The following SLC13A1 variants were observed in gnomAD, a reference collection of about 807,000 sequenced individuals.
The protein encoded by SLC13A1 is Na(+)/sulfate cotransporter.
SLC13A1 carries 65 observed loss-of-function variants against 70.0 expected under a neutral mutation model. The observed-to-expected ratio is 0.93, with a 90% CI of 0.76 to 1.14. The LOEUF is 1.14. Among genes scored for constraint, SLC13A1 ranks in the 50% most tolerant of loss-of-function variants. SLC13A1 has a pLI of 0.00. For missense variants in SLC13A1, 726 were observed against 717.8 expected (o/e 1.01, Z -0.13); for synonymous variants, 275 against 250.5 (o/e 1.10, Z -0.92).
chr7:123,153,582 G>C (rs1308366292), intron 6 of SLC13A1, among the ~76,000 whole-genome samples: 1 of 152,016 alleles, frequency 6.6e-6, no homozygotes, highest in Non-Finnish European at 1.5e-5. Context: ...AGAGGGCACT[G>C]AGCTGAAAAA....
chr7:123,148,556 G>T, intron 6 of SLC13A1: 1 of 409,800 alleles, frequency 2.4e-6, no homozygotes, highest in Non-Finnish European at 4.8e-6. Context: ...CCCTTTGTTG[G>T]TTTGATTCTT....
chr7:123,188,506 C>G lies in SLC13A1; in HGVS notation c.100-7405G>C, dbSNP rs192442622. Among the ~76,000 whole-genome samples the G allele has an allele frequency of 8.6e-4, 131 of 152,254 alleles. 2 individuals carry two copies. The highest frequency in any genetic ancestry group is 1.6e-3 in the Non-Finnish European group (106 of 68,010). Reference sequence around the variant, plus strand: ...ATGAAAAAATCTTCTTATTTAATTTCCATGTTCTTGAATACCAGTGGAGTA... The same window carrying G: ...ATGAAAAAATCTTCTTATTTAATTTGCATGTTCTTGAATACCAGTGGAGTA... On this transcript the variant is annotated intron_variant, in intron 1 of 14. Transcript: ENST00000194130.
chr7:123,170,622 TTTTG>T (rs10694058), intron 3 of SLC13A1, among the ~76,000 whole-genome samples: 7 of 150,896 alleles, frequency 4.6e-5, no homozygotes, highest in East Asian at 2.0e-4. Flanking sequence ...TTTTGGTTTT[TTTTG>T]TTTGTTTGTT....
intron 10 of SLC13A1, among the ~76,000 whole-genome samples, chr7:123,126,092 C>T (rs1327539422): frequency 1.3e-5 from 2 of 152,116 alleles, no homozygotes; most frequent in Non-Finnish European, 2.9e-5. Context: ...TTTATAACAT[C>T]CTTCTATTAA....
intron 7 of SLC13A1, among the ~76,000 whole-genome samples, chr7:123,145,235 G>A (rs1794310275): frequency 6.6e-6 from 1 of 152,132 alleles, no homozygotes; most frequent in African/African-American, 2.4e-5. Context: ...GTAAGTTCTA[G>A]TATCATCCCC....
At chr7:123,148,709 C>G (rs1304896363) in intron 6 of SLC13A1, 2 of 247,180 alleles carry the variant, frequency 8.1e-6, no homozygotes, top group African/African-American at 2.3e-5. Flanking sequence ...AGAAAAATCC[C>G]AAATTTTAAA....
intron 6 of SLC13A1, among the ~76,000 whole-genome samples, chr7:123,159,078 T>C (rs867361612): frequency 1.3e-5 from 2 of 151,974 alleles, no homozygotes; most frequent in African/African-American, 2.4e-5. Context: ...GGAGGAATAA[T>C]AGACTAGAAC....
chr7:123,164,428 T>C (rs925835216), intron 6 of SLC13A1, among the ~76,000 whole-genome samples: 8 of 151,928 alleles, frequency 5.3e-5, no homozygotes, highest in African/African-American at 4.8e-5. Flanking sequence ...AGTAAAGAGA[T>C]TTTAATTAAA....
At chr7:123,190,492 G>T (rs2116663765) in intron 1 of SLC13A1, 1 of 452,978 alleles carries the variant, frequency 2.2e-6, no homozygotes, top group East Asian at 7.0e-5. Context: ...AGGGGGAAGG[G>T]TCCTTTAAAT....
intron 1 of SLC13A1, among the ~76,000 whole-genome samples, chr7:123,191,171 C>T (rs1795984043): frequency 6.6e-6 from 1 of 152,234 alleles, no homozygotes; most frequent in Non-Finnish European, 1.5e-5. Flanking sequence ...CTTATCTTGA[C>T]ACCCTAGAGT....
chr7:123,173,805 A>G (rs750971920), intron 2 of SLC13A1, among the ~76,000 whole-genome samples: 24 of 152,230 alleles, frequency 1.6e-4, no homozygotes, highest in Non-Finnish European at 2.9e-4. Flanking sequence ...AATTGAAAGA[A>G]TGAGGGAGAG....
At position 123,169,310 on chromosome 7, in the gene SLC13A1, TGCTGCTCATGAACCCCA is replaced by T. The variant is rs953224674; in HGVS notation, c.374_390del (p.Leu125HisfsTer54). 5.6e-6 allele frequency: 9 copies of T among 1,613,132 alleles called. No individual in the cohort carries two copies. Among genetic ancestry groups the T allele is most frequent in the Non-Finnish European group, 6.8e-6 (8 of 1,179,966 alleles). On this transcript the variant is annotated frameshift_variant, in exon 4 of 15. Transcript: ENST00000194130. LOFTEE classifies it high-confidence loss of function. ...CTGAGCCACATAGACAAAAAGGCAG[TGCTGCTCATGAACCCCA>T]GCGTCAGCCTGAAACCAGAGAGCCA... is the stretch of plus-strand genomic sequence containing the variant.
At chr7:123,152,757 C>T (rs916297947) in intron 6 of SLC13A1, among the ~76,000 whole-genome samples, 1 of 152,054 alleles carries the variant, frequency 6.6e-6, no homozygotes, top group African/African-American at 2.4e-5. Context: ...AAACGTCTCC[C>T]TTTCCCTTAT....
intron 6 of SLC13A1, among the ~76,000 whole-genome samples, chr7:123,166,536 C>T (rs149562707): frequency 0.02 from 2,997 of 152,030 alleles, 44 homozygotes; most frequent in Non-Finnish European, 0.029. Context: ...TAATGCTATC[C>T]GTCCCCCCTT....
At chr7:123,124,189 G>A (rs187902077) in intron 11 of SLC13A1, among the ~76,000 whole-genome samples, 1 of 152,242 alleles carries the variant, frequency 6.6e-6, no homozygotes, top group East Asian at 1.9e-4. Context: ...GAGAGAGAAA[G>A]GTGGGTAGGA....
intron 6 of SLC13A1, among the ~76,000 whole-genome samples, chr7:123,151,596 T>G (rs1318835344): frequency 4.6e-5 from 7 of 152,106 alleles, no homozygotes; most frequent in African/African-American, 7.2e-5. Flanking sequence ...AATTAAATGT[T>G]TTAATTCATT....
intron 2 of SLC13A1, among the ~76,000 whole-genome samples, chr7:123,179,800 A>T (rs931755146): frequency 7.1e-6 from 1 of 139,970 alleles, no homozygotes; most frequent in African/African-American, 2.6e-5. Flanking sequence ...TAACAGACAA[A>T]GGTATAACTG....
At chr7:123,117,665 TAA>T (rs77661092) in intron 13 of SLC13A1, 57 bp from the exon 14 acceptor site, 3,716 of 848,144 alleles carry the variant, frequency 4.4e-3, no homozygotes, top group South Asian at 9.2e-3. Context: ...ACACGAAACA[TAA>T]AAAAAAAAAA....
chr7:123,141,601 G>A (rs1006299622), intron 7 of SLC13A1, among the ~76,000 whole-genome samples: 15 of 151,960 alleles, frequency 9.9e-5, no homozygotes, highest in African/African-American at 3.1e-4. Context: ...ATATACCTGG[G>A]AGCTCCCATG....
Sources: gnomAD v4.1 joint callset for allele counts (sites outside exome capture counted in the v4.1 genomes callset) on GRCh38, gnomAD v4.1.1 for gene constraint, MANE v1.5 for transcripts, NCBI Gene and HGNC (gene_info 2026-07-23, HGNC 2026-07-21) for gene names.